SIL1: variants seen among roughly 807,000 people sequenced by gnomAD.
SIL1 encodes the protein SIL1 nucleotide exchange factor.
Under a neutral mutation model 49.1 loss-of-function variants are expected in SIL1, and 40 were observed. The observed-to-expected ratio is 0.81, with a 90% CI of 0.63 to 1.06. The LOEUF is 1.06. SIL1 is among the 50% of genes least tolerant of loss of function. The pLI, the probability that SIL1 is intolerant of heterozygous loss-of-function variation, is 0.00. For missense variants in SIL1, 500 were observed against 572.6 expected, an observed-to-expected ratio of 0.87 and a Z score of 1.29; for synonymous variants, 253 against 250.8, an observed-to-expected ratio of 1.01 and a Z score of -0.08.
chr5:139,085,482 G>C (rs1314798972), intron 3 of SIL1, among the ~76,000 whole-genome samples: 2 of 152,176 alleles, frequency 1.3e-5, no homozygotes, highest in African/African-American at 4.8e-5. Flanking sequence ...TAGGTAGGGA[G>C]CTGTTGGCAT....
At chr5:139,014,087 G>A (rs1768344018) in intron 7 of SIL1, 1 of 152,194 alleles carries the variant, frequency 6.6e-6, no homozygotes, top group South Asian at 2.1e-4. Flanking sequence ...TTACAACAGA[G>A]AAGTAGATGT....
intron 3 of SIL1, among the ~76,000 whole-genome samples, chr5:139,075,025 A>G (rs1166621276): frequency 6.6e-6 from 1 of 152,162 alleles, no homozygotes; most frequent in Admixed American, 6.5e-5. Flanking sequence ...GGGTTTCACC[A>G]TGTTTGCCAG....
chr5:139,012,787 G>A (rs981693310), intron 7 of SIL1: 1 of 152,138 alleles, frequency 6.6e-6, no homozygotes, highest in Non-Finnish European at 1.5e-5. Context: ...GGGCAACAAA[G>A]TAAGACCCTG....
At chr5:139,128,622 C>T (rs1225819051) in intron 1 of SIL1, among the ~76,000 whole-genome samples, 1 of 150,344 alleles carries the variant, frequency 6.7e-6, no homozygotes, top group Non-Finnish European at 1.5e-5. Flanking sequence ...ACAGTCCAGC[C>T]TGGGTGACAG....
chr5:139,041,118 G>T (rs995967142), intron 5 of SIL1, among the ~76,000 whole-genome samples: 1 of 152,194 alleles, frequency 6.6e-6, no homozygotes, highest in African/African-American at 2.4e-5. Context: ...TCCTCTGCTG[G>T]CCTCACCTGT....
intron 1 of SIL1, among the ~76,000 whole-genome samples, chr5:139,190,319 G>A (rs148277464): frequency 1.3e-5 from 2 of 152,168 alleles, no homozygotes; most frequent in Admixed American, 6.5e-5. Context: ...ACGGAGGAAG[G>A]CTTCAAATTC....
At chr5:139,022,994 T>C (rs538439551) in intron 6 of SIL1, among the ~76,000 whole-genome samples, 1 of 152,234 alleles carries the variant, frequency 6.6e-6, no homozygotes, top group East Asian at 1.9e-4. Context: ...CTGGTATGAG[T>C]TCCTAGCAGA....
At chr5:138,955,916 G>C (rs1359343350) in intron 7 of SIL1, among the ~76,000 whole-genome samples, 5 of 152,158 alleles carry the variant, frequency 3.3e-5, no homozygotes, top group African/African-American at 9.7e-5. Context: ...TTTCTGAAAA[G>C]GAAAACAACT....
intron 1 of SIL1, among the ~76,000 whole-genome samples, chr5:139,151,276 C>A (rs1581135820): frequency 6.6e-6 from 1 of 152,190 alleles, no homozygotes; most frequent in East Asian, 1.9e-4. Context: ...GAAGACCCTG[C>A]TCAAAACTCT....
At chr5:139,121,312 C>T (rs1015927090) in intron 2 of SIL1, 139 bp from the exon 3 acceptor site, 9 of 1,190,920 alleles carry the variant, frequency 7.6e-6, no homozygotes, top group Admixed American at 5.5e-5. Context: ...CTCGCAATTC[C>T]TTTCCCAAGG....
intron 7 of SIL1, among the ~76,000 whole-genome samples, chr5:139,011,742 A>G (rs1004935875): frequency 2.0e-5 from 3 of 152,094 alleles, no homozygotes; most frequent in Non-Finnish European, 4.4e-5. Context: ...TGATCATAGG[A>G]AGATTTTTGT....
chr5:139,071,255 A>G (rs1295522513), intron 3 of SIL1, among the ~76,000 whole-genome samples: 2 of 152,126 alleles, frequency 1.3e-5, no homozygotes, highest in African/African-American at 4.8e-5. Context: ...TGTAGATTCA[A>G]AGAGACTTAA....
At chr5:139,140,798 C>T (rs1187156016) in intron 1 of SIL1, among the ~76,000 whole-genome samples, 1 of 152,178 alleles carries the variant, frequency 6.6e-6, no homozygotes, top group Non-Finnish European at 1.5e-5. Flanking sequence ...GTTTCTGACT[C>T]TAAATATGGC....
chr5:139,039,738 T>C (rs1768997228), intron 5 of SIL1, among the ~76,000 whole-genome samples: 1 of 152,140 alleles, frequency 6.6e-6, no homozygotes, highest in African/African-American at 2.4e-5. Flanking sequence ...TATTACATCT[T>C]GCCAAGAATC....
chr5:139,098,247 C>T (rs1392379394), intron 3 of SIL1, among the ~76,000 whole-genome samples: 1 of 152,176 alleles, frequency 6.6e-6, no homozygotes, highest in Non-Finnish European at 1.5e-5. Context: ...AAAACAGACA[C>T]ATATGCCAAT....
rs530964526 is a variant in SIL1, at chr5:139,169,845, C to CCTCTTT, written c.-11+28423_-11+28424insAAAGAG. On this transcript the variant is annotated intron_variant, in intron 1 of 9. Coordinates refer to ENST00000394817, the MANE Select transcript of SIL1 (RefSeq NM_022464.5). ...CTCTCCCCTCTCCCCTCTCCCTCTC[C>CCTCTTT]CCACGGTCTCCCTCTCCCTCTTTCC... 1.3e-3 allele frequency among the ~76,000 whole-genome samples: 108 copies of CCTCTTT among 84,202 alleles called. 1 individual carries two copies. The East Asian group carries it at 0.013, about 10-fold the overall frequency. The allele number at this position is 84,202 out of a possible 152,430, so 55.2% of individuals were successfully genotyped here.
chr5:138,973,741 G>GC (rs1249792944), intron 7 of SIL1, among the ~76,000 whole-genome samples: 1 of 151,952 alleles, frequency 6.6e-6, no homozygotes, highest in East Asian at 1.9e-4. Context: ...ACCGTGTCCA[G>GC]CCTTGACTAA....
rs1768669824 is a variant in SIL1, at chr5:139,026,944, T to C, written c.502A>G (p.Lys168Glu). 2.5e-6 allele frequency: 4 copies of C among 1,614,092 alleles called. No homozygotes were observed. Among genetic ancestry groups the C allele is most frequent in the Non-Finnish European group, 3.4e-6 (4 of 1,180,048 alleles). The change falls in exon 6 of 10, where the codon AAG becomes GAG. Residue 168 changes from lysine (K) to glutamate (E), a missense_variant. Lys to Glu is a moderately conservative substitution (Grantham distance 56). Coordinates refer to ENST00000394817, the MANE Select transcript of SIL1 (RefSeq NM_022464.5). The part of the protein sequence containing the change: ...KRLFRPIEEL[K>E]KDFDELNVVI... ...ACATTCAGCTCATCAAAGTCTTTCT[T>C]CAGTTCCTCAATGGGGCGGAAGAGC...
chr5:139,028,138 T>C (rs2150434336), intron 5 of SIL1, among the ~76,000 whole-genome samples: 1 of 150,528 alleles, frequency 6.6e-6, no homozygotes, highest in East Asian at 2.0e-4. Flanking sequence ...GTGAGCACAA[T>C]AAGAAACTAG....
Sources: gnomAD v4.1 joint callset for allele counts (sites outside exome capture counted in the v4.1 genomes callset) on GRCh38, gnomAD v4.1.1 for gene constraint, MANE v1.5 for transcripts, NCBI Gene and HGNC (gene_info 2026-07-23, HGNC 2026-07-21) for gene names.